The following ZBTB20 variants were observed in gnomAD, a reference collection of about 807,000 sequenced individuals.
ZBTB20 encodes zinc finger and BTB domain-containing protein 20.
ZBTB20 carries 9 observed loss-of-function variants against 56.9 expected under a neutral mutation model. That is an observed-to-expected ratio of 0.16 (90% CI 0.10 to 0.28). ZBTB20 has a LOEUF of 0.28. Among genes scored for constraint, ZBTB20 ranks in the 10% least tolerant of loss-of-function variants. The probability of loss-of-function intolerance (pLI) is 1.00; values close to 1 mark genes in which losing one functional copy is unlikely to be tolerated. For synonymous variants in ZBTB20, 417 were observed against 420.7 expected (o/e 0.99, Z 0.11); for missense variants, 655 against 1,003.0 (o/e 0.65, Z 4.69).
chr3:114,382,196 A>G (rs1357182016), intron 8 of ZBTB20, among the ~76,000 whole-genome samples: 3 of 151,884 alleles, frequency 2.0e-5, no homozygotes, highest in Non-Finnish European at 4.4e-5. Flanking sequence ...CTTCCTTCAT[A>G]TTTTTTCTCA....
chr3:114,424,430 C>T (rs570882379), intron 7 of ZBTB20, among the ~76,000 whole-genome samples: 2 of 152,158 alleles, frequency 1.3e-5, no homozygotes, highest in South Asian at 4.1e-4. Context: ...TTCAACTCTG[C>T]GACACTGAGT....
chr3:114,891,249 A>C (rs1025698248), intron 4 of ZBTB20, among the ~76,000 whole-genome samples: 3 of 152,176 alleles, frequency 2.0e-5, no homozygotes, highest in Non-Finnish European at 4.4e-5. Flanking sequence ...GGGGATGCTG[A>C]ATTTAGAACA....
At chr3:114,922,174 C>A (rs1024094260) in intron 3 of ZBTB20, among the ~76,000 whole-genome samples, 1 of 152,054 alleles carries the variant, frequency 6.6e-6, no homozygotes, top group Non-Finnish European at 1.5e-5. Flanking sequence ...ACAGAAGGAA[C>A]GTACCTCAAC....
intron 6 of ZBTB20, among the ~76,000 whole-genome samples, chr3:114,621,283 G>A (rs922858251): frequency 1.3e-5 from 2 of 151,976 alleles, no homozygotes; most frequent in East Asian, 1.9e-4. Context: ...GTAAACTTTC[G>A]GTGTTGTCAG....
At chr3:114,408,088 T>G (rs113405504) in intron 7 of ZBTB20, among the ~76,000 whole-genome samples, 4,406 of 152,286 alleles carry the variant, frequency 0.029, 100 homozygotes, top group Middle Eastern at 0.048. Context: ...TAGTCGTCTG[T>G]CTCCCAGTTT....
At chr3:115,076,327 C>A (rs1005508908) in intron 1 of ZBTB20, among the ~76,000 whole-genome samples, 4 of 152,046 alleles carry the variant, frequency 2.6e-5, no homozygotes, top group African/African-American at 9.6e-5. Flanking sequence ...CAAAAATAAT[C>A]AAAACAATAT....
At chr3:114,880,871 A>G (rs988169000) in intron 4 of ZBTB20, among the ~76,000 whole-genome samples, 1 of 152,130 alleles carries the variant, frequency 6.6e-6, no homozygotes, top group African/African-American at 2.4e-5. Flanking sequence ...ATACACACCA[A>G]AATATTAAGA....
At chr3:114,506,720 C>T (rs893322263) in intron 6 of ZBTB20, among the ~76,000 whole-genome samples, 8 of 152,178 alleles carry the variant, frequency 5.3e-5, no homozygotes, top group Non-Finnish European at 8.8e-5. Flanking sequence ...GCACTGCTAT[C>T]ATGTGGTCTA....
intron 7 of ZBTB20, among the ~76,000 whole-genome samples, chr3:114,464,386 A>G (rs1314678361): frequency 6.6e-6 from 1 of 152,238 alleles, no homozygotes; most frequent in African/African-American, 2.4e-5. Context: ...AAACAATTTT[A>G]GGAATTCAGC....
chr3:114,379,506 A>T (rs147988755), intron 10 of ZBTB20, among the ~76,000 whole-genome samples: 2 of 152,306 alleles, frequency 1.3e-5, no homozygotes, highest in South Asian at 4.1e-4. Context: ...AGAAGAAGTG[A>T]CTCCCAGATT....
rs548598343 is a variant in ZBTB20, at chr3:114,866,569, AT to A, written c.-417+33734del. Among the ~76,000 whole-genome samples, 290 of 152,328 alleles carry A rather than the reference AT, an allele frequency of 1.9e-3. 3 individuals are homozygous for A. Among genetic ancestry groups the A allele is most frequent in the Admixed American group, 0.014 (214 of 15,304 alleles). On this transcript the variant is annotated intron_variant, in intron 4 of 11. Transcript: ENST00000675478. ...TTCAGTGAGAATGTTTCTGGATGAG[AT>A]TAACATTTGAATCAGTAACTGAGTA...
At chr3:115,117,730 CAA>C (rs1353772379) in intron 1 of ZBTB20, among the ~76,000 whole-genome samples, 5 of 151,802 alleles carry the variant, frequency 3.3e-5, no homozygotes, top group Admixed American at 1.3e-4. Flanking sequence ...TGATATCTCA[CAA>C]GTTTTCCTGT....
At chr3:114,880,911 T>C (rs968843422) in intron 4 of ZBTB20, among the ~76,000 whole-genome samples, 5 of 152,142 alleles carry the variant, frequency 3.3e-5, no homozygotes, top group African/African-American at 4.8e-5. Context: ...GTAATAGTAA[T>C]ATCAATGGTG....
intron 2 of ZBTB20, among the ~76,000 whole-genome samples, chr3:115,019,891 G>C (rs1456053707): frequency 6.6e-6 from 1 of 151,208 alleles, no homozygotes; most frequent in Non-Finnish European, 1.5e-5. Context: ...GAAGACAAAT[G>C]CAGAGAAAAG....
At chr3:114,660,669 C>T (rs2060668490) in intron 6 of ZBTB20, among the ~76,000 whole-genome samples, 1 of 152,074 alleles carries the variant, frequency 6.6e-6, no homozygotes, top group African/African-American at 2.4e-5. Context: ...ATAACCACCC[C>T]CTGGATAACA....
intron 2 of ZBTB20, among the ~76,000 whole-genome samples, chr3:115,049,705 A>C (rs888130447): frequency 6.6e-6 from 1 of 152,112 alleles, no homozygotes; most frequent in South Asian, 2.1e-4. Flanking sequence ...CAAACTGTTT[A>C]GTCAATGTTA....
Position 114,319,280 on chromosome 3 carries a change from C to T in ZBTB20, c.*19725G>A, listed in dbSNP as rs566490804. 6.6e-6 allele frequency: 1 copy of T among 151,580 alleles called. No individual in the cohort carries two copies. The highest frequency in any genetic ancestry group is 1.5e-5 in the Non-Finnish European group (1 of 67,892). The allele number at this position is 151,580 out of a possible 1,614,324, so 9.4% of individuals were successfully genotyped here. On this transcript the variant is annotated 3_prime_UTR_variant, in exon 12 of 12. Transcript: ENST00000675478. Reference sequence around the variant, plus strand: ...CTTCCTTTCCAAAAAAGATTCTTCACAAAAAAATGTAGAAAAAATTCCAAC... The same window carrying T: ...CTTCCTTTCCAAAAAAGATTCTTCATAAAAAAATGTAGAAAAAATTCCAAC...
At chr3:114,361,042 A>G (rs1331450846) in intron 10 of ZBTB20, among the ~76,000 whole-genome samples, 1 of 152,164 alleles carries the variant, frequency 6.6e-6, no homozygotes, top group African/African-American at 2.4e-5. Context: ...TATTCTTTAT[A>G]TAGTCTTTTG....
At chr3:114,544,419 TTCTTTC>T (rs1161903991) in intron 6 of ZBTB20, among the ~76,000 whole-genome samples, 1 of 25,346 alleles carries the variant, frequency 3.9e-5, no homozygotes, top group Admixed American at 4.2e-4. Context: ...CTTTCTTTCT[TTCTTTC>T]TTTCTTTCTT....
Sources: gnomAD v4.1 joint callset for allele counts (sites outside exome capture counted in the v4.1 genomes callset) on GRCh38, gnomAD v4.1.1 for gene constraint, MANE v1.5 for transcripts, NCBI Gene and HGNC (gene_info 2026-07-23, HGNC 2026-07-21) for gene names.